The following ANK3 variants were observed in gnomAD, a reference collection of about 807,000 sequenced individuals.
The protein encoded by ANK3 is ankyrin 3, also known as ankyrin-3.
In ANK3, 57 loss-of-function variants were observed where a neutral mutation model predicts 370.9. The observed-to-expected ratio is 0.15, with a 90% confidence interval of 0.12 to 0.19. ANK3 has a LOEUF of 0.19. Ranked by LOEUF, ANK3 falls within the 10% of genes least tolerant of loss-of-function variation. The pLI is 1.00. For synonymous variants in ANK3, 1,929 were observed against 1,946.3 expected (o/e 0.99, Z 0.23); for missense variants, 4,439 against 5,302.1 (o/e 0.84, Z 5.06).
chr10:60,394,779 C>T (rs1020957236), upstream of ANK3, among the ~76,000 whole-genome samples: 2 of 152,180 alleles, frequency 1.3e-5, no homozygotes, highest in Non-Finnish European at 2.9e-5. Context: ...GAACCACATG[C>T]CACTTCCTCT....
At chr10:60,102,868 A>G (rs1227317420) in intron 28 of ANK3, among the ~76,000 whole-genome samples, 2 of 152,172 alleles carry the variant, frequency 1.3e-5, no homozygotes, top group African/African-American at 4.8e-5. Flanking sequence ...AACAAGACAG[A>G]CATTATCAAG....
intron 2 of ANK3, among the ~76,000 whole-genome samples, chr10:60,451,355 G>A (rs1033693741): frequency 3.3e-5 from 5 of 152,158 alleles, no homozygotes; most frequent in Non-Finnish European, 5.9e-5. Flanking sequence ...AAAAAGAGAT[G>A]AGCATGAAAT....
intron 28 of ANK3, among the ~76,000 whole-genome samples, chr10:60,102,958 A>T (rs1433814124): frequency 5.4e-5 from 8 of 148,584 alleles, no homozygotes; most frequent in Non-Finnish European, 9.0e-5. Context: ...AAGACAATTT[A>T]TTTTTTTTTT....
intron 1 of ANK3, among the ~76,000 whole-genome samples, chr10:60,301,403 C>T (rs1301799059): frequency 2.7e-5 from 4 of 146,798 alleles, no homozygotes; most frequent in African/African-American, 1.0e-4. Flanking sequence ...CACACACACA[C>T]ACAATATACA....
chr10:60,389,542 G>A lies in ANK3; in HGVS notation c.-4C>T, dbSNP rs1034799708. 4 of 1,613,244 alleles carry A rather than the reference G, an allele frequency of 2.5e-6. No individual in the cohort carries two copies. The highest frequency in any genetic ancestry group is 3.4e-6 in the Non-Finnish European group (4 of 1,179,754). On this transcript the variant is annotated 5_prime_UTR_variant, in exon 1 of 44. Transcript: ENST00000280772. ...ATTGTGAGGCTGCATGAGCCATAAT[G>A]CATTTAAAAAGATCCTCTCAAGCAC...
At chr10:60,317,137 G>C (rs1261918619) in intron 1 of ANK3, among the ~76,000 whole-genome samples, 2 of 151,500 alleles carry the variant, frequency 1.3e-5, no homozygotes, top group Non-Finnish European at 2.9e-5. Context: ...TTGAATACCT[G>C]ATAGGTTTCA....
At chr10:60,374,918 T>C (rs552255713) in intron 1 of ANK3, among the ~76,000 whole-genome samples, 3 of 152,072 alleles carry the variant, frequency 2.0e-5, no homozygotes, top group Non-Finnish European at 4.4e-5. Context: ...ATATTTTTAG[T>C]GGAAAAATGA....
At chr10:60,145,405 T>TA (rs2094766279) in intron 23 of ANK3, among the ~76,000 whole-genome samples, 1 of 152,184 alleles carries the variant, frequency 6.6e-6, no homozygotes, top group Non-Finnish European at 1.5e-5. Context: ...AGTGATTTTC[T>TA]TTGATCATAC....
At chr10:60,729,258 C>G (rs2079986743) in intron 1 of ANK3, among the ~76,000 whole-genome samples, 1 of 152,100 alleles carries the variant, frequency 6.6e-6, no homozygotes, top group African/African-American at 2.4e-5. Flanking sequence ...GCCAGATTCC[C>G]TATAAAGCAT....
chr10:60,301,431 T>G (rs2043790657), intron 1 of ANK3, among the ~76,000 whole-genome samples: 2 of 133,572 alleles, frequency 1.5e-5, no homozygotes, highest in Non-Finnish European at 3.2e-5. Context: ...TTTTTTTTTT[T>G]GAGACAGAGT....
At chr10:60,684,799 C>T in intron 1 of ANK3, 2 of 1,543,212 alleles carry the variant, frequency 1.3e-6, no homozygotes, top group Non-Finnish European at 1.8e-6. Context: ...CATTTTATTT[C>T]TTATGGACTC....
intron 1 of ANK3, chr10:60,300,436 C>T (rs2043445046): frequency 2.3e-6 from 3 of 1,288,362 alleles, no homozygotes; most frequent in African/African-American, 3.0e-5. Context: ...TATCTGCCTT[C>T]GGAAATGTAA....
intron 2 of ANK3, among the ~76,000 whole-genome samples, chr10:60,562,717 T>C (rs1410805512): frequency 6.6e-6 from 1 of 152,152 alleles, no homozygotes; most frequent in Non-Finnish European, 1.5e-5. Flanking sequence ...ATTTCTAGAT[T>C]TTTAGCTATT....
At chr10:60,291,015 T>C (rs570938359) in intron 1 of ANK3, among the ~76,000 whole-genome samples, 24 of 151,114 alleles carry the variant, frequency 1.6e-4, no homozygotes, top group Admixed American at 9.3e-4. Flanking sequence ...CGTGGGGGTA[T>C]TTTTTCTCAC....
intron 1 of ANK3, among the ~76,000 whole-genome samples, chr10:60,631,373 CA>C (rs199742048): frequency 2.0e-5 from 3 of 150,214 alleles, no homozygotes; most frequent in African/African-American, 2.4e-5. Context: ...CTAAAAATAC[CA>C]AAAAAAAATT....
intron 42 of ANK3, among the ~76,000 whole-genome samples, chr10:60,046,462 T>C (rs1471449331): frequency 1.3e-5 from 2 of 152,198 alleles, no homozygotes; most frequent in African/African-American, 2.4e-5. Flanking sequence ...TGGGAAAAGA[T>C]GTCAGTTAAT....
intron 1 of ANK3, among the ~76,000 whole-genome samples, chr10:60,339,790 C>G (rs1386595062): frequency 6.6e-6 from 1 of 152,160 alleles, no homozygotes; most frequent in Non-Finnish European, 1.5e-5. Flanking sequence ...CTAGGAATTA[C>G]TGGAGCGGCA....
rs147910686 is a variant in ANK3, at chr10:60,325,257, C to T, written c.115-45618G>A. Among the ~76,000 whole-genome samples, 77 of 152,328 alleles carry T rather than the reference C, an allele frequency of 5.1e-4. No individual in the cohort carries two copies. The Middle Eastern group carries it at 0.017, about 34-fold the overall frequency. On this transcript the variant is annotated intron_variant, in intron 1 of 43. Transcript: ENST00000280772. Reference sequence around the variant, plus strand: ...GACCTGTCCTGCTTCTTGCTCCCATCATAGAGGCACTGAATACTTCCCTAT... The same window carrying T: ...GACCTGTCCTGCTTCTTGCTCCCATTATAGAGGCACTGAATACTTCCCTAT...
intron 18 of ANK3, among the ~76,000 whole-genome samples, chr10:60,179,546 T>C (rs868185716): frequency 6.6e-6 from 1 of 152,158 alleles, no homozygotes; most frequent in South Asian, 2.1e-4. Context: ...AATACAAAAA[T>C]TAGCTGGGTG....
Sources: allele counts gnomAD v4.1 joint callset (sites outside exome capture counted in the v4.1 genomes callset), GRCh38; gene constraint gnomAD v4.1.1; transcripts MANE v1.5; gene names NCBI Gene and HGNC (gene_info 2026-07-23, HGNC 2026-07-21).